PDCD10: variants seen among roughly 807,000 people sequenced by gnomAD.
PDCD10 encodes programmed cell death 10, also known as programmed cell death protein 10.
Under a neutral mutation model 29.2 loss-of-function variants are expected in PDCD10, and 4 were observed. The observed-to-expected ratio is 0.14, with a 90% CI of 0.07 to 0.31. The LOEUF (loss-of-function observed/expected upper bound fraction) is 0.31, where lower values mean the gene tolerates loss of function less well. PDCD10 is among the 10% of genes least tolerant of loss of function. The probability of loss-of-function intolerance (pLI) is 1.00; values close to 1 mark genes in which losing one functional copy is unlikely to be tolerated. For missense variants in PDCD10, 183 were observed against 257.9 expected (o/e 0.71, Z 1.99); for synonymous variants, 70 against 82.2 (o/e 0.85, Z 0.80).
At chr3:167,705,715 AAATCT>A (rs1253184924) in intron 3 of PDCD10, among the ~76,000 whole-genome samples, 1 of 152,200 alleles carries the variant, frequency 6.6e-6, no homozygotes, top group Non-Finnish European at 1.5e-5. Flanking sequence ...AAATCTTGTA[AAATCT>A]AATATTGCCT....
chr3:167,718,642 A>G (rs1723260456), intron 3 of PDCD10, among the ~76,000 whole-genome samples: 1 of 151,892 alleles, frequency 6.6e-6, no homozygotes, highest in South Asian at 2.1e-4. Flanking sequence ...CAAAAAGGCT[A>G]CTTTAAGGAA....
chr3:167,712,256 G>T lies in PDCD10; in HGVS notation c.97-7361C>A, dbSNP rs1392682017. On this transcript the variant is annotated intron_variant, in intron 3 of 8. Transcript: ENST00000392750. Reference sequence around the variant, plus strand: ...AGAGAAACAACAAAAGTTAAAAAATGAGAGGGATGAAGTATAGAGATTTTA... The same window carrying T: ...AGAGAAACAACAAAAGTTAAAAAATTAGAGGGATGAAGTATAGAGATTTTA... 2.0e-5 allele frequency among the ~76,000 whole-genome samples: 3 copies of T among 152,022 alleles called. No individual in the cohort carries two copies. The East Asian group carries it at 5.8e-4, about 29-fold the overall frequency.
At chr3:167,710,731 C>T (rs963896968) in intron 3 of PDCD10, among the ~76,000 whole-genome samples, 2 of 152,214 alleles carry the variant, frequency 1.3e-5, no homozygotes, top group South Asian at 2.1e-4. Context: ...GTAGTGTTTA[C>T]AGCAGGCCTT....
At position 167,697,001 on chromosome 3, in the gene PDCD10, TC is replaced by T; in HGVS notation, c.268+7del. On this transcript the variant is annotated splice_region_variant and intron_variant, in intron 5 of 8. Coordinates refer to ENST00000392750, the MANE Select transcript of PDCD10 (RefSeq NM_007217.4). The stretch of plus-strand genomic sequence containing the variant: ...GTATAACTTAAACAAGGTTCTTCTG[TC>T]CGTTACCTTCTACATCATCAGCTGC... 1.5e-6 allele frequency: 2 copies of T among 1,363,750 alleles called. No homozygotes were observed. Among genetic ancestry groups the T allele is most frequent in the Non-Finnish European group, 2.1e-6 (2 of 951,540 alleles). 84.5% of individuals were successfully genotyped at this position (1,363,750 alleles called of 1,614,324 possible).
Position 167,720,172 on chromosome 3 carries a change from C to G in PDCD10, c.-15G>C. Reference sequence around the variant, plus strand: ...GTCATCCTCATTCAAAAGCCAACTACAGTTGAAAAAGCAGTGCTAAAATGC... The same window carrying G: ...GTCATCCTCATTCAAAAGCCAACTAGAGTTGAAAAAGCAGTGCTAAAATGC... On this transcript the variant is annotated 5_prime_UTR_variant, in exon 3 of 9. Transcript: ENST00000392750. 6.4e-7 allele frequency: 1 copy of G among 1,563,648 alleles called. No individual in the cohort carries two copies. The highest frequency in any genetic ancestry group is 2.2e-5 in the East Asian group (1 of 44,588).
In PDCD10 at chr3:167,725,761, GTT is replaced by G. The variant is rs1319955644; in HGVS notation, c.-116-5490_-116-5489del. 4.9e-4 allele frequency among the ~76,000 whole-genome samples: 27 copies of G among 54,718 alleles called. 2 individuals are homozygous for G. In the East Asian group the frequency reaches 7.7e-3, roughly 16 times the overall value. 35.9% of individuals were successfully genotyped at this position (54,718 alleles called of 152,430 possible). On this transcript the variant is annotated intron_variant, in intron 2 of 8. Coordinates refer to ENST00000392750, the MANE Select transcript of PDCD10 (RefSeq NM_007217.4). ...GTATATAGCACTTTACCATTGTATC[GTT>G]TATATATATATATATATATATATAT...
chr3:167,686,727 ACT>A (rs1438642662), intron 8 of PDCD10, among the ~76,000 whole-genome samples: 2 of 152,236 alleles, frequency 1.3e-5, no homozygotes, highest in African/African-American at 4.8e-5. Flanking sequence ...CCTCCAGATG[ACT>A]CTGATGCCAC....
chr3:167,695,801 G>A, intron 5 of PDCD10, 79 bp from the exon 6 acceptor site: 1 of 1,447,980 alleles, frequency 6.9e-7, no homozygotes, highest in African/African-American at 1.4e-5. Context: ...TCCAATGTTG[G>A]TCAAAGGCAG....
At chr3:167,704,733 T>C (rs1678788132) in intron 4 of PDCD10, 109 bp downstream of exon 4, 2 of 762,244 alleles carry the variant, frequency 2.6e-6, no homozygotes. Flanking sequence ...AGGCATAAGA[T>C]GGCTAAAAAG....
chr3:167,687,876 G>T (rs891514632), intron 6 of PDCD10, among the ~76,000 whole-genome samples, 183 bp from the exon 7 acceptor site: 9 of 152,140 alleles, frequency 5.9e-5, no homozygotes, highest in Non-Finnish European at 4.4e-5. Flanking sequence ...TTGGAGTGGG[G>T]ATTTTAGCCT....
chr3:167,725,763 T>TTATATATATATA lies in PDCD10; in HGVS notation c.-116-5502_-116-5491dup, dbSNP rs67647566. Among the ~76,000 whole-genome samples the TTATATATATATA allele has an allele frequency of 3.5e-4, 27 of 77,164 alleles. 4 individuals carry two copies. Among genetic ancestry groups the TTATATATATATA allele is most frequent in the Non-Finnish European group, 6.2e-4 (23 of 37,262 alleles). The allele number at this position is 77,164 out of a possible 152,430, so 50.6% of individuals were successfully genotyped here. ...ATATAGCACTTTACCATTGTATCGT[T>TTATATATATATA]TATATATATATATATATATATATAT... is the stretch of plus-strand genomic sequence containing the variant. On this transcript the variant is annotated intron_variant, in intron 2 of 8. Transcript: ENST00000392750.
chr3:167,724,286 T>C (rs780822721), intron 2 of PDCD10, among the ~76,000 whole-genome samples: 1 of 152,232 alleles, frequency 6.6e-6, no homozygotes, highest in Non-Finnish European at 1.5e-5. Context: ...AAAACGTTTG[T>C]AGGCAGGCAG....
At chr3:167,704,921 T>C in intron 3 of PDCD10, 26 bp from the exon 4 acceptor site, 1 of 1,489,530 alleles carries the variant, frequency 6.7e-7, no homozygotes, top group Non-Finnish European at 9.3e-7. Flanking sequence ...TAAATTATTA[T>C]GAATATCAAC....
intron 3 of PDCD10, among the ~76,000 whole-genome samples, chr3:167,716,991 G>A (rs944699806): frequency 6.6e-6 from 1 of 151,900 alleles, no homozygotes; most frequent in African/African-American, 2.4e-5. Flanking sequence ...ATAGTTATGT[G>A]AGAACCTGAT....
chr3:167,698,509 C>T (rs1022756929), intron 4 of PDCD10, among the ~76,000 whole-genome samples: 1 of 151,998 alleles, frequency 6.6e-6, no homozygotes, highest in Non-Finnish European at 1.5e-5. Flanking sequence ...GCACTCCAGC[C>T]TATGATACAG....
intron 6 of PDCD10, 124 bp from the exon 7 acceptor site, chr3:167,687,817 A>G (rs1332023484): frequency 1.5e-6 from 1 of 672,450 alleles, no homozygotes; most frequent in Non-Finnish European, 2.7e-6. Flanking sequence ...ACTCTTAATT[A>G]TGTTAAGCGC....
chr3:167,706,984 C>T (rs1348339138), intron 3 of PDCD10, among the ~76,000 whole-genome samples: 1 of 152,178 alleles, frequency 6.6e-6, no homozygotes, highest in Non-Finnish European at 1.5e-5. Context: ...TCCCTGTACT[C>T]ACTCTTCCAG....
intron 4 of PDCD10, among the ~76,000 whole-genome samples, chr3:167,700,367 C>A (rs1020118858): frequency 1.3e-5 from 2 of 151,982 alleles, no homozygotes; most frequent in African/African-American, 4.8e-5. Flanking sequence ...ACCATGGGAC[C>A]CGACAAAGTG....
Position 167,704,707 on chromosome 3 carries a change from T to C in PDCD10, c.150+135A>G, listed in dbSNP as rs540377806. The C allele has an allele frequency of 2.0e-4, 131 of 663,810 alleles. 2 individuals are homozygous for C. In the South Asian group the frequency reaches 2.0e-3, roughly 10 times the overall value. The allele number at this position is 663,810 out of a possible 1,614,324, so 41.1% of individuals were successfully genotyped here. A position where few individuals can be genotyped will look rare whatever the true frequency, so the allele number is the denominator to read the frequency against. On this transcript the variant is annotated intron_variant, in intron 4 of 8. Coordinates refer to ENST00000392750, the MANE Select transcript of PDCD10 (RefSeq NM_007217.4). ...TCTTTTGGAAGTGTTTTAAGCTTTA[T>C]GGAATATAGTAAAACAGGCATAAGA...
Sources: gnomAD v4.1 joint callset for allele counts (sites outside exome capture counted in the v4.1 genomes callset) on GRCh38, gnomAD v4.1.1 for gene constraint, MANE v1.5 for transcripts, NCBI Gene and HGNC (gene_info 2026-07-23, HGNC 2026-07-21) for gene names.